Variants in ZNF429 observed in about 807,000 individuals in gnomAD.
ZNF429 encodes zinc finger protein 429.
A neutral mutation model predicts 56.8 loss-of-function variants in ZNF429; 53 were observed. The observed-to-expected ratio is 0.93, with a 90% CI of 0.75 to 1.17. The LOEUF (loss-of-function observed/expected upper bound fraction) is 1.17, where lower values mean the gene tolerates loss of function less well. Ranked by LOEUF, ZNF429 falls within the 50% of genes most tolerant of loss-of-function variation. The probability of loss-of-function intolerance (pLI) is 0.00; values close to 1 mark genes in which losing one functional copy is unlikely to be tolerated. For synonymous variants in ZNF429, 278 were observed against 264.7 expected, an observed-to-expected ratio of 1.05 and a Z score of -0.49; for missense variants, 849 against 788.4, an observed-to-expected ratio of 1.08 and a Z score of -0.92.
chr19:21,526,221 T>C (rs553983688), intron 1 of ZNF429, among the ~76,000 whole-genome samples: 2 of 152,266 alleles, frequency 1.3e-5, no homozygotes, highest in African/African-American at 4.8e-5. Context: ...ACAGGTAGTA[T>C]TTGGTTACAT....
At chr19:21,536,071 A>T in intron 3 of ZNF429, among the ~76,000 whole-genome samples, 2 of 152,196 alleles carry the variant, frequency 1.3e-5, no homozygotes, top group African/African-American at 4.8e-5. Context: ...GGGGCGTTGT[A>T]CACATATAAC....
At position 21,538,775 on chromosome 19, in the gene ZNF429, G is replaced by T. The variant is rs2033821080; in HGVS notation, c.*697G>T. ...AAATGTGGAAAAGCCATTAAAATCT[G>T]TTCACATCTTAACAACAGAGAGTTG... is the stretch of plus-strand genomic sequence containing the variant. On this transcript the variant is annotated 3_prime_UTR_variant, in exon 4 of 4. Coordinates refer to ENST00000358491, the MANE Select transcript of ZNF429 (RefSeq NM_001001415.4). The T allele has an allele frequency of 6.6e-6, 1 of 152,198 alleles. No individual in the cohort carries two copies. The highest frequency in any genetic ancestry group is 1.5e-5 in the Non-Finnish European group (1 of 68,036). 9.4% of individuals were successfully genotyped at this position (152,198 alleles called of 1,614,324 possible). A position where few individuals can be genotyped will look rare whatever the true frequency, so the allele number is the denominator to read the frequency against.
At position 21,510,935 on chromosome 19, in the gene ZNF429, T is replaced by G. The variant is rs557825358; in HGVS notation, c.3+5161T>G. Among the ~76,000 whole-genome samples, 366 of 152,108 alleles carry G rather than the reference T, an allele frequency of 2.4e-3. 4 individuals are homozygous for G. Among genetic ancestry groups the G allele is most frequent in the African/African-American group, 8.5e-3 (351 of 41,510 alleles). Reference sequence around the variant, plus strand: ...TCAACAGGATCCCAAGGCAGAAGAATTTTTCTTAGTACAGAACAAAATGAA... The same window carrying G: ...TCAACAGGATCCCAAGGCAGAAGAAGTTTTCTTAGTACAGAACAAAATGAA... On this transcript the variant is annotated intron_variant, in intron 1 of 3. Transcript: ENST00000358491.
chr19:21,524,098 A>T (rs796715487), intron 1 of ZNF429, among the ~76,000 whole-genome samples: 27 of 152,306 alleles, frequency 1.8e-4, no homozygotes, highest in African/African-American at 5.5e-4. Context: ...TTGTCCAATG[A>T]CCTGCTTCAG....
chr19:21,530,186 A>G, intron 2 of ZNF429, among the ~76,000 whole-genome samples: 3 of 148,728 alleles, frequency 2.0e-5, no homozygotes, highest in Non-Finnish European at 4.5e-5. Context: ...GCGAGACTCC[A>G]TCTCAAAAAA....
intron 1 of ZNF429, chr19:21,521,883 A>G (rs1269974441): frequency 6.6e-6 from 1 of 152,236 alleles, no homozygotes; most frequent in African/African-American, 2.4e-5. Flanking sequence ...GGCCTACAGG[A>G]TCTCCTCATG....
intron 1 of ZNF429, among the ~76,000 whole-genome samples, chr19:21,511,197 G>A (rs1236560926): frequency 4.6e-5 from 7 of 150,970 alleles, no homozygotes; most frequent in Non-Finnish European, 1.0e-4. Flanking sequence ...GGGGCGGCTG[G>A]CCGGGCGGGG....
At chr19:21,528,952 T>C (rs1203095481) in intron 1 of ZNF429, 1 of 152,200 alleles carries the variant, frequency 6.6e-6, no homozygotes, top group Non-Finnish European at 1.5e-5. Flanking sequence ...GAGTTGATTA[T>C]TTTTTCTTTA....
At chr19:21,516,436 T>G (rs2145431790) in intron 1 of ZNF429, among the ~76,000 whole-genome samples, 1 of 152,292 alleles carries the variant, frequency 6.6e-6, no homozygotes, top group South Asian at 2.1e-4. Context: ...GCTTTTTTTG[T>G]TGTTCCATAT....
intron 1 of ZNF429, among the ~76,000 whole-genome samples, chr19:21,517,367 A>G (rs1355526355): frequency 6.9e-6 from 1 of 144,608 alleles, no homozygotes; most frequent in East Asian, 2.1e-4. Flanking sequence ...TTTTTGCATC[A>G]GTGTTCATGA....
chr19:21,512,255 G>A (rs190010790), intron 1 of ZNF429, among the ~76,000 whole-genome samples: 101 of 152,270 alleles, frequency 6.6e-4, no homozygotes, highest in African/African-American at 2.3e-3. Context: ...GACAATCAGA[G>A]GTTACTCTCA....
chr19:21,540,419 A>G lies in ZNF429; in HGVS notation c.*2341A>G, dbSNP rs1186676331. On this transcript the variant is annotated 3_prime_UTR_variant, in exon 4 of 4. Transcript: ENST00000358491. ...TTTTTTCTTATTTTTTTGTGGGTACATAATATGTGTATATATTTATGCAAA... is the reference window on the plus strand; with the variant it reads ...TTTTTTCTTATTTTTTTGTGGGTACGTAATATGTGTATATATTTATGCAAA... Among the ~76,000 whole-genome samples the G allele has an allele frequency of 1.3e-5, 2 of 152,052 alleles. No homozygotes were observed. The highest frequency in any genetic ancestry group is 6.6e-5 in the Admixed American group (1 of 15,260).
intron 2 of ZNF429, among the ~76,000 whole-genome samples, chr19:21,530,167 G>A: frequency 4.0e-5 from 6 of 150,908 alleles, no homozygotes; most frequent in African/African-American, 1.5e-4. Context: ...GTCCAGCCTG[G>A]GCAAAAGAGC....
chr19:21,534,775 G>A, intron 3 of ZNF429, among the ~76,000 whole-genome samples: 1 of 145,030 alleles, frequency 6.9e-6, no homozygotes, highest in Admixed American at 7.1e-5. Context: ...GCTTTCAGCT[G>A]GAAAGTTGTT....
chr19:21,533,214 T>C lies in ZNF429; in HGVS notation c.226+2530T>C. Among the ~76,000 whole-genome samples the C allele has an allele frequency of 3.3e-5, 5 of 152,120 alleles. No individual in the cohort carries two copies. In the East Asian group the frequency reaches 9.7e-4, roughly 29 times the overall value. On this transcript the variant is annotated intron_variant, in intron 3 of 3. Coordinates refer to ENST00000358491, the MANE Select transcript of ZNF429 (RefSeq NM_001001415.4). ...TGCATATCTCTACAAATTAGTGATC[T>C]TGTGTTCTTAAATGCTTTTTTTCCA... is the stretch of plus-strand genomic sequence containing the variant.
chr19:21,506,414 G>T (rs940437603), intron 1 of ZNF429, among the ~76,000 whole-genome samples: 3 of 148,152 alleles, frequency 2.0e-5, no homozygotes, highest in African/African-American at 5.1e-5. Flanking sequence ...TGCACTCCAG[G>T]CTGGTTGACA....
At chr19:21,521,721 A>AT (rs1292298894) in intron 1 of ZNF429, 1 of 152,920 alleles carries the variant, frequency 6.5e-6, no homozygotes, top group African/African-American at 2.4e-5. Flanking sequence ...GTTTGTGTGA[A>AT]TTAGGTGGGC....
chr19:21,536,487 A>G lies in ZNF429; in HGVS notation c.434A>G (p.Tyr145Cys), dbSNP rs1210000655. The change falls in exon 4 of 4, where the codon TAT becomes TGT. Residue 145 changes from tyrosine (Y) to cysteine (C), a missense_variant. Transcript: ENST00000358491. ...QCLTLTQSKM[Y>C]HCDIYVKVFY... ...TTGACACTTACCCAGAGCAAAATGTATCACTGTGATATATATGTAAAAGTC... is the reference window on the plus strand; with the variant it reads ...TTGACACTTACCCAGAGCAAAATGTGTCACTGTGATATATATGTAAAAGTC... The G allele has an allele frequency of 2.3e-5, 37 of 1,613,228 alleles. No homozygotes were observed. The highest frequency in any genetic ancestry group is 2.5e-5 in the Non-Finnish European group (30 of 1,179,668).
intron 3 of ZNF429, among the ~76,000 whole-genome samples, chr19:21,533,163 G>T: frequency 6.6e-6 from 1 of 152,086 alleles, no homozygotes; most frequent in African/African-American, 2.4e-5. Context: ...GATGTGAGGT[G>T]ATTTTGGTTT....
Sources: gnomAD v4.1 joint callset for allele counts (sites outside exome capture counted in the v4.1 genomes callset) on GRCh38, gnomAD v4.1.1 for gene constraint, MANE v1.5 for transcripts, NCBI Gene and HGNC (gene_info 2026-07-23, HGNC 2026-07-21) for gene names.